VPS35L: variants seen among roughly 807,000 people sequenced by gnomAD.
VPS35L encodes VPS35 endosomal protein-sorting factor-like.
Under a neutral mutation model 133.0 loss-of-function variants are expected in VPS35L, and 83 were observed. That is an observed-to-expected ratio of 0.62 (90% CI 0.52 to 0.75). The LOEUF (loss-of-function observed/expected upper bound fraction) is 0.75, where lower values mean the gene tolerates loss of function less well. Ranked by LOEUF, VPS35L falls within the 30% of genes least tolerant of loss-of-function variation. The pLI, the probability that VPS35L is intolerant of heterozygous loss-of-function variation, is 0.00. For missense variants in VPS35L, 1,083 were observed against 1,206.8 expected, an observed-to-expected ratio of 0.90 and a Z score of 1.52; for synonymous variants, 423 against 449.9, an observed-to-expected ratio of 0.94 and a Z score of 0.76.
rs1448651322 is a variant in VPS35L at position 19,682,334 on chromosome 16, T to C, written c.2471T>C (p.Val824Ala). The change falls in exon 28 of 31, where the codon GTC becomes GCC. Residue 824 changes from valine to alanine, a missense_variant. Physicochemically the swap from Val to Ala is moderately conservative, Grantham distance 64 (BLOSUM62 0). Transcript: ENST00000417362. ...GAGAAAATCCGCATCTACACCTGCG[T>C]CCTGCATCTCCTCTCCGCCATGAGC... ...SDEKIRIYTC[V>A]LHLLSAMSQE... 6.2e-7 allele frequency: 1 copy of C among 1,614,104 alleles called. No individual in the cohort carries two copies. Among genetic ancestry groups the C allele is most frequent in the African/African-American group, 1.3e-5 (1 of 74,932 alleles).
chr16:19,673,401 G>A (rs1974942475), intron 27 of VPS35L, among the ~76,000 whole-genome samples: 1 of 152,228 alleles, frequency 6.6e-6, no homozygotes, highest in Admixed American at 6.5e-5. Context: ...CAGCTGCCCT[G>A]TGCAGGCAGC....
Position 19,675,522 on chromosome 16 carries a change from A to G in VPS35L, c.2361+6223A>G, listed in dbSNP as rs139478970. Among the ~76,000 whole-genome samples, 895 of 151,892 alleles carry G rather than the reference A, an allele frequency of 5.9e-3. 13 individuals are homozygous for G. Among genetic ancestry groups the G allele is most frequent in the East Asian group, 0.033 (171 of 5,134 alleles). On this transcript the variant is annotated intron_variant, in intron 27 of 30. Transcript: ENST00000417362. ...CATTGCTGGGTCATGTGGTAGCTCT[A>G]TTTTTAATTTTTTTAGGAAACTCCA...
chr16:19,679,051 A>G (rs556114529), intron 27 of VPS35L, among the ~76,000 whole-genome samples: 1 of 151,662 alleles, frequency 6.6e-6, no homozygotes, highest in Middle Eastern at 3.4e-3. Context: ...CCCAAGGCAG[A>G]TCCTTAAATA....
chr16:19,620,454 G>A (rs1375953746), intron 14 of VPS35L, among the ~76,000 whole-genome samples: 1 of 152,078 alleles, frequency 6.6e-6, no homozygotes, highest in African/African-American at 2.4e-5. Context: ...GAGAAGCTGG[G>A]TGGTGGGTAC....
intron 14 of VPS35L, among the ~76,000 whole-genome samples, chr16:19,621,202 A>G (rs904437337): frequency 7.2e-5 from 11 of 152,112 alleles, no homozygotes; most frequent in Non-Finnish European, 1.2e-4. Context: ...ATTGTGTAAA[A>G]ACAAAACTAG....
intron 9 of VPS35L, among the ~76,000 whole-genome samples, chr16:19,605,173 A>C (rs1972503041): frequency 6.6e-6 from 1 of 152,192 alleles, no homozygotes; most frequent in South Asian, 2.1e-4. Flanking sequence ...TAGGGTAGAG[A>C]CTTGGCAAAT....
chr16:19,640,699 T>C (rs150193616), intron 21 of VPS35L, among the ~76,000 whole-genome samples: 89 of 152,368 alleles, frequency 5.8e-4, no homozygotes, highest in Admixed American at 1.7e-3. Flanking sequence ...ACTGCCCGAC[T>C]GCTAGTGGTA....
At chr16:19,675,439 T>C (rs1975032095) in intron 27 of VPS35L, among the ~76,000 whole-genome samples, 2 of 152,030 alleles carry the variant, frequency 1.3e-5, no homozygotes, top group East Asian at 1.9e-4. Context: ...AGCATGGGAG[T>C]GTAGGTATCT....
intron 18 of VPS35L, among the ~76,000 whole-genome samples, chr16:19,630,859 A>G (rs79807764): frequency 6.6e-6 from 1 of 151,928 alleles, no homozygotes; most frequent in Non-Finnish European, 1.5e-5. Context: ...AAAAAAAAAA[A>G]TTAGGTGGGT....
At chr16:19,602,385 C>G (rs892853102) in intron 9 of VPS35L, among the ~76,000 whole-genome samples, 1 of 152,058 alleles carries the variant, frequency 6.6e-6, no homozygotes, top group South Asian at 2.1e-4. Flanking sequence ...GCTCCATTGC[C>G]GCTCCACTTC....
At chr16:19,673,009 T>C (rs931086695) in intron 27 of VPS35L, among the ~76,000 whole-genome samples, 2 of 152,244 alleles carry the variant, frequency 1.3e-5, no homozygotes, top group African/African-American at 2.4e-5. Flanking sequence ...AGTCCTGACC[T>C]GAAGAGTTCA....
chr16:19,608,321 A>G, intron 10 of VPS35L, 47 bp downstream of exon 10: 3 of 1,353,654 alleles, frequency 2.2e-6, no homozygotes, highest in Non-Finnish European at 3.2e-6. Context: ...AGATAGGCTA[A>G]AAGAATTGTA....
At chr16:19,643,040 C>T (rs901031911) in intron 22 of VPS35L, among the ~76,000 whole-genome samples, 1 of 152,168 alleles carries the variant, frequency 6.6e-6, no homozygotes, top group Non-Finnish European at 1.5e-5. Flanking sequence ...AACACAGCAA[C>T]TTGATTTACT....
chr16:19,604,944 A>G (rs923351110), intron 9 of VPS35L, among the ~76,000 whole-genome samples: 2 of 152,246 alleles, frequency 1.3e-5, no homozygotes, highest in Admixed American at 6.5e-5. Context: ...TGAGAAGTCA[A>G]ATCATTTTAT....
chr16:19,691,389 A>C lies in VPS35L; in HGVS notation c.2564A>C (p.Lys855Thr), dbSNP rs1567492693. The C allele has an allele frequency of 6.2e-7, 1 of 1,613,934 alleles. No homozygotes were observed. The highest frequency in any genetic ancestry group is 2.2e-5 in the East Asian group (1 of 44,856). The part of the protein sequence containing the change: ...SNDSLYGGDS[K>T]FLAENNKLCE... ...GACAGCCTCTACGGGGGAGACTCCA[A>C]GTTCCTGGCAGAAAACAACAAGCTG... The change falls in exon 29 of 31, where the codon AAG (lysine) becomes ACG (threonine). Residue 855 changes from lysine to threonine, a missense_variant. Physicochemically the swap from Lys to Thr is moderately conservative, Grantham distance 78. Transcript: ENST00000417362.
At chr16:19,578,842 G>A (rs1971617971) in intron 5 of VPS35L, 1 of 580,664 alleles carries the variant, frequency 1.7e-6, no homozygotes, top group Non-Finnish European at 3.1e-6. Context: ...TGGCCCACTG[G>A]GCTCCCAGGG....
chr16:19,657,426 A>G (rs1974342647), intron 26 of VPS35L, among the ~76,000 whole-genome samples: 1 of 152,028 alleles, frequency 6.6e-6, no homozygotes, highest in African/African-American at 2.4e-5. Flanking sequence ...TGGCCTTCCC[A>G]TTTCTGCAGA....
intron 7 of VPS35L, among the ~76,000 whole-genome samples, chr16:19,590,941 C>G (rs947212931): frequency 2.6e-5 from 4 of 152,072 alleles, no homozygotes; most frequent in Non-Finnish European, 4.4e-5. Context: ...AGCGACAGAG[C>G]AAGACCTTAT....
At chr16:19,584,224 G>A (rs226850) in intron 7 of VPS35L, among the ~76,000 whole-genome samples, 7,943 of 152,194 alleles carry the variant, frequency 0.052, 420 homozygotes, top group African/African-American at 0.14. Context: ...TAACCTAGTT[G>A]TGGGATTGCT....
Sources: allele counts gnomAD v4.1 joint callset (sites outside exome capture counted in the v4.1 genomes callset), GRCh38; gene constraint gnomAD v4.1.1; transcripts MANE v1.5; gene names NCBI Gene and HGNC (gene_info 2026-07-23, HGNC 2026-07-21).